The following WSCD1 variants were observed in gnomAD, a reference collection of about 807,000 sequenced individuals.
WSCD1 encodes the protein sialate:O-sulfotransferase 1.
A neutral mutation model predicts 60.4 loss-of-function variants in WSCD1; 41 were observed. That is an observed-to-expected ratio of 0.68 (90% CI 0.53 to 0.88). WSCD1 has a LOEUF of 0.88. WSCD1 is among the 40% of genes least tolerant of loss of function. The pLI, the probability that WSCD1 is intolerant of heterozygous loss-of-function variation, is 0.00. For synonymous variants in WSCD1, 361 were observed against 332.5 expected (o/e 1.09, Z -0.93); for missense variants, 784 against 796.2 (o/e 0.98, Z 0.18).
intron 8 of WSCD1, among the ~76,000 whole-genome samples, chr17:6,119,834 T>A (rs1904546787): frequency 6.6e-6 from 1 of 152,144 alleles, no homozygotes. Flanking sequence ...TTTATTGGGA[T>A]GATTTCTGAT....
chr17:6,105,117 G>A (rs1032839230), intron 5 of WSCD1, among the ~76,000 whole-genome samples: 13 of 152,266 alleles, frequency 8.5e-5, no homozygotes, highest in Admixed American at 2.0e-4. Flanking sequence ...GTGGATCCCC[G>A]CCAGCCTCAG....
intron 8 of WSCD1, among the ~76,000 whole-genome samples, chr17:6,119,938 C>T (rs1904554288): frequency 6.6e-6 from 1 of 152,212 alleles, no homozygotes; most frequent in Admixed American, 6.5e-5. Context: ...AGTCCGAGGC[C>T]ACCCCGTCTG....
chr17:6,081,567 C>T (rs138123772), intron 2 of WSCD1, among the ~76,000 whole-genome samples: 4,212 of 151,822 alleles, frequency 0.028, 200 homozygotes, highest in African/African-American at 0.094. Context: ...AAAAATTAGC[C>T]GGGTGTGGTG....
chr17:6,118,241 G>T lies in WSCD1; in HGVS notation c.1375+53G>T. On this transcript the variant is annotated intron_variant, in intron 8 of 8. Coordinates refer to ENST00000317744, the MANE Select transcript of WSCD1 (RefSeq NM_015253.2). This position sits in a 1 kb window ranked among gnomAD's most constrained non-coding sequence, Gnocchi z 5.8. ...GGAGGCTTGTCAGTACAGGTAGGTT[G>T]CTCATCAGGATGCAGGATCAATTTA... 1 of 1,582,174 alleles carries T rather than the reference G, an allele frequency of 6.3e-7. No homozygotes were observed.
chr17:6,112,275 C>A (rs987869390), intron 7 of WSCD1, among the ~76,000 whole-genome samples: 5 of 152,016 alleles, frequency 3.3e-5, no homozygotes, highest in African/African-American at 1.2e-4. Context: ...CAAAAACAAT[C>A]AACAAATTAG....
chr17:6,120,944 G>A lies in WSCD1; in HGVS notation c.*283G>A, dbSNP rs576357183. The A allele has an allele frequency of 5.8e-5, 27 of 467,938 alleles. No individual in the cohort carries two copies. The highest frequency in any genetic ancestry group is 4.3e-4 in the South Asian group (15 of 34,754). 29.0% of individuals were successfully genotyped at this position (467,938 alleles called of 1,614,324 possible). On this transcript the variant is annotated 3_prime_UTR_variant, in exon 9 of 9. Transcript: ENST00000317744. Reference sequence around the variant, plus strand: ...GTCTTGATGCAGAGAAGCCACCCACGTGGGGTGTGCCAGGCACCCCCAGAT... The same window carrying A: ...GTCTTGATGCAGAGAAGCCACCCACATGGGGTGTGCCAGGCACCCCCAGAT...
chr17:6,085,450 C>A (rs1461138877), intron 2 of WSCD1, among the ~76,000 whole-genome samples: 7 of 152,184 alleles, frequency 4.6e-5, no homozygotes, highest in African/African-American at 1.7e-4. Context: ...TCACAACTAC[C>A]TCATGGAATT....
chr17:6,117,085 C>A (rs535677069), intron 7 of WSCD1, among the ~76,000 whole-genome samples: 1 of 152,138 alleles, frequency 6.6e-6, no homozygotes, highest in Non-Finnish European at 1.5e-5. Flanking sequence ...ACCCTCTGTC[C>A]CCAAAATAAA....
rs1910334174 is a variant in WSCD1 at position 6,095,111 on chromosome 17, C to G, written c.737C>G (p.Ala246Gly). Residue 246 changes from alanine (A) to glycine (G), a missense_variant, in exon 5 of 9, where the codon GCC becomes GGC. Coordinates refer to ENST00000317744, the MANE Select transcript of WSCD1 (RefSeq NM_015253.2). The part of the protein sequence containing the change: ...LQPGSRKRRT[A>G]TYRGCFRLPE... ...CTCTCTTTTCCCCCAGGGCGGACCG[C>G]CACCTACCGCGGATGCTTCCGACTG... 2.7e-5 allele frequency: 44 copies of G among 1,611,382 alleles called. No homozygotes were observed. Among genetic ancestry groups the G allele is most frequent in the Non-Finnish European group, 3.7e-5 (44 of 1,178,904 alleles).
Position 6,075,733 on chromosome 17 carries a change from G to A in WSCD1, c.-288-4638G>A, listed in dbSNP as rs926820970. ...GTGTGCACCTTTGTCCAGCCCTGGC[G>A]TGCCCCCTCTACCCCCAATAAGGCC... On this transcript the variant is annotated intron_variant, in intron 1 of 8. Coordinates refer to ENST00000317744, the MANE Select transcript of WSCD1 (RefSeq NM_015253.2). The surrounding 1 kb of genome is among the most constrained non-coding windows in gnomAD (Gnocchi z 4.1). Among the ~76,000 whole-genome samples, 5 of 152,194 alleles carry A rather than the reference G, an allele frequency of 3.3e-5. No homozygotes were observed. The highest frequency in any genetic ancestry group is 1.9e-4 in the East Asian group (1 of 5,166).
At position 6,075,068 on chromosome 17, in the gene WSCD1, G is replaced by A. The variant is rs1908762310; in HGVS notation, c.-289+4416G>A. ...CCCCTGGCTGCCAGTCACTGAGGCT[G>A]AGGCTTCGAGCTTCTAGGACCCAGA... On this transcript the variant is annotated intron_variant, in intron 1 of 8. Coordinates refer to ENST00000317744, the MANE Select transcript of WSCD1 (RefSeq NM_015253.2). The surrounding 1 kb of genome is among the most constrained non-coding windows in gnomAD (Gnocchi z 4.1). Among the ~76,000 whole-genome samples the A allele has an allele frequency of 6.6e-6, 1 of 152,134 alleles. No individual in the cohort carries two copies. Among genetic ancestry groups the A allele is most frequent in the South Asian group, 2.1e-4 (1 of 4,830 alleles).
In WSCD1 at chr17:6,070,668, C is replaced by T. The variant is rs1490888254; in HGVS notation, c.-289+16C>T. 2 of 150,524 alleles carry T rather than the reference C, an allele frequency of 1.3e-5. No individual in the cohort carries two copies. Among genetic ancestry groups the T allele is most frequent in the Non-Finnish European group, 3.0e-5 (2 of 67,540 alleles). The allele number at this position is 150,524 out of a possible 1,614,324, so 9.3% of individuals were successfully genotyped here. Reference sequence around the variant, plus strand: ...CGATCGCGGGGTGAGTCCTGTCTCTCGGCGCTCCAGCCGGACCCCCGCGCG... The same window carrying T: ...CGATCGCGGGGTGAGTCCTGTCTCTTGGCGCTCCAGCCGGACCCCCGCGCG... On this transcript the variant is annotated intron_variant, in intron 1 of 8. Transcript: ENST00000317744.
intron 1 of WSCD1, among the ~76,000 whole-genome samples, chr17:6,071,358 G>T (rs1360245467): frequency 6.6e-6 from 1 of 152,160 alleles, no homozygotes; most frequent in Non-Finnish European, 1.5e-5. Context: ...GTGCGCCTGG[G>T]ATGATGCCTG....
At chr17:6,099,286 G>A (rs1470386388) in intron 5 of WSCD1, among the ~76,000 whole-genome samples, 7 of 152,070 alleles carry the variant, frequency 4.6e-5, no homozygotes, top group Admixed American at 1.3e-4. Context: ...GGAGGCTGAG[G>A]TGGGCGGATC....
chr17:6,077,088 CTTT>C (rs34145700), intron 1 of WSCD1, among the ~76,000 whole-genome samples: 15 of 122,410 alleles, frequency 1.2e-4, no homozygotes, highest in Admixed American at 2.5e-4. Context: ...GTTCCTGATG[CTTT>C]TTTTTTTTTT....
chr17:6,071,081 C>G (rs987468901), intron 1 of WSCD1: 6 of 152,244 alleles, frequency 3.9e-5, no homozygotes, highest in Admixed American at 1.3e-4. Flanking sequence ...GCAGCTCCCT[C>G]TCGTTCCGCT....
chr17:6,075,990 A>G lies in WSCD1; in HGVS notation c.-288-4381A>G, dbSNP rs1180596617. 6.6e-6 allele frequency among the ~76,000 whole-genome samples: 1 copy of G among 152,184 alleles called. No individual in the cohort carries two copies. Among genetic ancestry groups the G allele is most frequent in the African/African-American group, 2.4e-5 (1 of 41,454 alleles). On this transcript the variant is annotated intron_variant, in intron 1 of 8. Coordinates refer to ENST00000317744, the MANE Select transcript of WSCD1 (RefSeq NM_015253.2). The surrounding 1 kb of genome is among the most constrained non-coding windows in gnomAD (Gnocchi z 4.1). ...AGACACCATGTGTGGCATCATCTCT[A>G]GGAGCTTTGGCCCGGCATGACTTCA...
chr17:6,097,006 G>A (rs899901801), intron 5 of WSCD1, among the ~76,000 whole-genome samples: 3 of 152,248 alleles, frequency 2.0e-5, no homozygotes, highest in Admixed American at 6.5e-5. Context: ...TGCTTGCTGC[G>A]AGAGGCTGGG....
intron 2 of WSCD1, among the ~76,000 whole-genome samples, chr17:6,081,704 C>CA (rs1189360576): frequency 1.4e-5 from 2 of 145,258 alleles, no homozygotes; most frequent in East Asian, 2.0e-4. Flanking sequence ...GACTCTGTCT[C>CA]AAAAAAAAGA....
Sources: gnomAD v4.1 joint callset for allele counts (sites outside exome capture counted in the v4.1 genomes callset) on GRCh38, gnomAD v4.1.1 for gene constraint, Gnocchi (gnomAD v3.1) non-coding constraint, MANE v1.5 for transcripts, NCBI Gene and HGNC (gene_info 2026-07-23, HGNC 2026-07-21) for gene names.